Variants in IFT43 observed in about 807,000 individuals in gnomAD.
IFT43 encodes the protein intraflagellar transport protein 43 homolog.
IFT43 carries 33 observed loss-of-function variants against 32.3 expected under a neutral mutation model. The observed-to-expected ratio is 1.02, with a 90% CI of 0.77 to 1.37. The LOEUF (loss-of-function observed/expected upper bound fraction) is 1.37, where lower values mean the gene tolerates loss of function less well. Ranked by LOEUF, IFT43 falls within the 40% of genes most tolerant of loss-of-function variation. The probability of loss-of-function intolerance (pLI) is 0.00; values close to 1 mark genes in which losing one functional copy is unlikely to be tolerated. For missense variants in IFT43, 274 were observed against 265.9 expected (o/e 1.03, Z -0.21); for synonymous variants, 93 against 98.2 (o/e 0.95, Z 0.31).
intron 1 of IFT43, 106 bp downstream of exon 1, chr14:75,985,946 G>T: frequency 6.5e-7 from 1 of 1,544,030 alleles, no homozygotes; most frequent in Non-Finnish European, 8.7e-7. Context: ...CAGGCCTCGC[G>T]CCGCGCCGGG....
intron 3 of IFT43, among the ~76,000 whole-genome samples, chr14:76,041,267 C>T (rs1433571780): frequency 6.6e-6 from 1 of 152,074 alleles, no homozygotes; most frequent in Admixed American, 6.5e-5. Context: ...TTATTGGAGC[C>T]AAGAGTAGTA....
At chr14:76,019,808 A>G (rs2036256715) in intron 2 of IFT43, among the ~76,000 whole-genome samples, 1 of 151,832 alleles carries the variant, frequency 6.6e-6, no homozygotes, top group African/African-American at 2.4e-5. Context: ...AAGTTCTGAA[A>G]TTCTTTTTCT....
intron 3 of IFT43, chr14:76,058,161 CTCG>C (rs2037058853): frequency 8.8e-6 from 2 of 227,542 alleles, no homozygotes. Context: ...AGAAGGTCCT[CTCG>C]TCCTTCGTGT....
At chr14:76,000,639 G>T (rs1263349733) in intron 2 of IFT43, among the ~76,000 whole-genome samples, 3 of 152,092 alleles carry the variant, frequency 2.0e-5, no homozygotes, top group African/African-American at 7.2e-5. Flanking sequence ...TGGCATATGT[G>T]CCTTACTTTG....
intron 5 of IFT43, among the ~76,000 whole-genome samples, chr14:76,075,925 C>T (rs544250725): frequency 9.8e-5 from 15 of 152,302 alleles, no homozygotes; most frequent in African/African-American, 1.9e-4. Flanking sequence ...CCTAAAAACA[C>T]GGGCATTGTT....
intron 5 of IFT43, among the ~76,000 whole-genome samples, chr14:76,075,082 C>G (rs1269368475): frequency 6.6e-6 from 1 of 152,216 alleles, no homozygotes; most frequent in Non-Finnish European, 1.5e-5. Context: ...TCTCTGTCTC[C>G]CCATCGCATG....
chr14:76,018,874 T>G (rs561141693), intron 2 of IFT43, among the ~76,000 whole-genome samples: 1 of 152,144 alleles, frequency 6.6e-6, no homozygotes, highest in East Asian at 1.9e-4. Flanking sequence ...TGCAGGAATT[T>G]TTTTCCATCC....
At chr14:76,025,476 C>G (rs1473769844) in intron 3 of IFT43, among the ~76,000 whole-genome samples, 3 of 152,012 alleles carry the variant, frequency 2.0e-5, no homozygotes, top group Admixed American at 2.0e-4. Context: ...AAAAAAGGGC[C>G]CAAATAGCCA....
chr14:76,046,686 AAC>A (rs1736836514), intron 3 of IFT43, among the ~76,000 whole-genome samples: 1 of 152,224 alleles, frequency 6.6e-6, no homozygotes, highest in African/African-American at 2.4e-5. Flanking sequence ...TGCCTGAATT[AAC>A]TTACTTGATT....
chr14:76,082,747 C>A, intron 7 of IFT43, 55 bp downstream of exon 7: 1 of 1,285,758 alleles, frequency 7.8e-7, no homozygotes, highest in Non-Finnish European at 1.1e-6. Context: ...GGGCTTCAAT[C>A]CGTAGAGATT....
chr14:76,059,506 C>A, intron 5 of IFT43, 133 bp downstream of exon 5: 1 of 828,972 alleles, frequency 1.2e-6, no homozygotes, highest in Non-Finnish European at 2.0e-6. Context: ...CATGCTGATG[C>A]ACATCTTCAT....
At chr14:76,008,532 T>A (rs1395380528) in intron 2 of IFT43, among the ~76,000 whole-genome samples, 1 of 152,164 alleles carries the variant, frequency 6.6e-6, no homozygotes, top group Non-Finnish European at 1.5e-5. Flanking sequence ...GGAGATATGA[T>A]GAGCACAAGG....
chr14:76,036,989 T>C (rs2036612645), intron 3 of IFT43, among the ~76,000 whole-genome samples: 1 of 152,230 alleles, frequency 6.6e-6, no homozygotes, highest in Non-Finnish European at 1.5e-5. Context: ...CATGCCTGGC[T>C]AAATGTTTAA....
chr14:76,063,277 C>T (rs575922626), intron 5 of IFT43, among the ~76,000 whole-genome samples: 1 of 152,340 alleles, frequency 6.6e-6, no homozygotes, highest in South Asian at 2.1e-4. Context: ...AATGCGTAAC[C>T]CCCTCTAAGT....
intron 3 of IFT43, among the ~76,000 whole-genome samples, chr14:76,053,455 A>T (rs148335535): frequency 9.2e-5 from 14 of 152,300 alleles, no homozygotes; most frequent in African/African-American, 3.4e-4. Flanking sequence ...ACTGGGCTTT[A>T]AATGCAAGTC....
At chr14:76,001,092 T>TTGCATAGA (rs2035876948) in intron 2 of IFT43, among the ~76,000 whole-genome samples, 1 of 152,180 alleles carries the variant, frequency 6.6e-6, no homozygotes, top group Non-Finnish European at 1.5e-5. Context: ...CTTCATGATC[T>TTGCATAGA]CCAAGTGCAA....
At chr14:76,033,416 A>C (rs1453913120) in intron 3 of IFT43, among the ~76,000 whole-genome samples, 2 of 152,208 alleles carry the variant, frequency 1.3e-5, no homozygotes, top group Non-Finnish European at 2.9e-5. Context: ...TAGGGCGGAT[A>C]GTTTTCCTCC....
chr14:76,026,994 C>T (rs2036409794), intron 3 of IFT43, among the ~76,000 whole-genome samples: 1 of 152,212 alleles, frequency 6.6e-6, no homozygotes, highest in South Asian at 2.1e-4. Flanking sequence ...GAAAACCAAA[C>T]ACTGTATGTT....
chr14:76,031,971 G>C (rs2036516957), intron 3 of IFT43, among the ~76,000 whole-genome samples: 1 of 152,070 alleles, frequency 6.6e-6, no homozygotes, highest in African/African-American at 2.4e-5. Context: ...TCTCCTCCTG[G>C]ACAGCCATTT....
Sources: allele counts gnomAD v4.1 joint callset (sites outside exome capture counted in the v4.1 genomes callset), GRCh38; gene constraint gnomAD v4.1.1; transcripts MANE v1.5; gene names NCBI Gene and HGNC (gene_info 2026-07-23, HGNC 2026-07-21).